UNC13C: variants seen among roughly 807,000 people sequenced by gnomAD.
UNC13C encodes unc-13 homolog C, also known as protein unc-13 homolog C.
Under a neutral mutation model 245.4 loss-of-function variants are expected in UNC13C, and 174 were observed. That is an observed-to-expected ratio of 0.71 (90% CI 0.63 to 0.80). The LOEUF (loss-of-function observed/expected upper bound fraction) is 0.80. UNC13C is among the 30% of genes least tolerant of loss of function. UNC13C has a pLI of 0.00. For missense variants in UNC13C, 2,829 were observed against 2,602.9 expected, an observed-to-expected ratio of 1.09 and a Z score of -1.89; for synonymous variants, 992 against 895.1, an observed-to-expected ratio of 1.11 and a Z score of -1.93.
intron 30 of UNC13C, among the ~76,000 whole-genome samples, chr15:54,617,426 A>G (rs1247819836): frequency 6.6e-6 from 1 of 151,956 alleles, no homozygotes; most frequent in Non-Finnish European, 1.5e-5. Flanking sequence ...TATATACTAT[A>G]TCTTATAAGT....
chr15:54,563,368 C>G (rs1897372800), intron 29 of UNC13C, among the ~76,000 whole-genome samples: 1 of 152,042 alleles, frequency 6.6e-6, no homozygotes, highest in African/African-American at 2.4e-5. Context: ...AAATGACCAA[C>G]TCCTCCATAG....
chr15:54,446,621 G>A (rs1013648769), intron 19 of UNC13C, among the ~76,000 whole-genome samples: 40 of 152,174 alleles, frequency 2.6e-4, no homozygotes, highest in African/African-American at 9.7e-4. Context: ...GAATGCTTGT[G>A]ATTTTTGCAC....
intron 10 of UNC13C, among the ~76,000 whole-genome samples, chr15:54,282,589 T>C (rs1380018253): frequency 6.6e-6 from 1 of 152,088 alleles, no homozygotes; most frequent in African/African-American, 2.4e-5. Flanking sequence ...TTGTTGTCCA[T>C]GGATGGTGGT....
At chr15:53,999,127 C>G (rs1894769475) in intron 1 of UNC13C, among the ~76,000 whole-genome samples, 2 of 151,940 alleles carry the variant, frequency 1.3e-5, no homozygotes, top group South Asian at 4.1e-4. Flanking sequence ...AGCAATTGGA[C>G]AGTGTTCTTT....
chr15:54,440,465 T>A (rs559965098), intron 19 of UNC13C, among the ~76,000 whole-genome samples: 5 of 151,436 alleles, frequency 3.3e-5, no homozygotes, highest in African/African-American at 1.2e-4. Context: ...GTTTCATTCA[T>A]GTGGCTCCAA....
chr15:54,185,345 C>A (rs2033941685), intron 4 of UNC13C, among the ~76,000 whole-genome samples: 3 of 151,826 alleles, frequency 2.0e-5, no homozygotes, highest in Admixed American at 2.0e-4. Flanking sequence ...AGTCCTTGCC[C>A]ATGCCTATGT....
intron 7 of UNC13C, among the ~76,000 whole-genome samples, chr15:54,238,067 C>T (rs569348334): frequency 2.5e-5 from 3 of 119,462 alleles, no homozygotes; most frequent in South Asian, 2.8e-4. Context: ...CTCCTCAGGA[C>T]TTTTATAGGT....
chr15:54,607,718 A>T (rs968787055), intron 30 of UNC13C, among the ~76,000 whole-genome samples: 9 of 152,134 alleles, frequency 5.9e-5, no homozygotes, highest in African/African-American at 2.2e-4. Flanking sequence ...AAGCAAGAGC[A>T]TCTTTCCATG....
At position 54,141,404 on chromosome 15, in the gene UNC13C, C is replaced by T. The variant is rs547719420; in HGVS notation, c.2984-1614C>T. 1.4e-4 allele frequency among the ~76,000 whole-genome samples: 21 copies of T among 152,124 alleles called. No homozygotes were observed. The East Asian group carries it at 2.1e-3, about 15-fold the overall frequency. Reference sequence around the variant, plus strand: ...GTGAAAATTATGCTTTGGACAGTTTCGTTTGCTTTTAATGGTGATGGAAAT... The same window carrying T: ...GTGAAAATTATGCTTTGGACAGTTTTGTTTGCTTTTAATGGTGATGGAAAT... On this transcript the variant is annotated intron_variant, in intron 2 of 32. Transcript: ENST00000260323.
intron 4 of UNC13C, among the ~76,000 whole-genome samples, chr15:54,204,092 C>G (rs1203952596): frequency 1.3e-5 from 2 of 151,454 alleles, no homozygotes; most frequent in South Asian, 2.1e-4. Flanking sequence ...GGGAGCTAAC[C>G]TATGAGGACA....
chr15:54,426,925 T>A (rs2040771388), intron 19 of UNC13C, among the ~76,000 whole-genome samples: 1 of 151,790 alleles, frequency 6.6e-6, no homozygotes, highest in Non-Finnish European at 1.5e-5. Context: ...TTGGTGATGA[T>A]GATCATCAGT....
intron 19 of UNC13C, among the ~76,000 whole-genome samples, chr15:54,435,886 AAAAAC>A (rs774292815): frequency 6.6e-5 from 10 of 151,596 alleles, no homozygotes; most frequent in Admixed American, 1.3e-4. Context: ...GTACAAGAAA[AAAAAC>A]AAAACAAAAC....
intron 18 of UNC13C, among the ~76,000 whole-genome samples, chr15:54,405,012 A>T (rs2040263796): frequency 1.3e-5 from 2 of 152,192 alleles, no homozygotes; most frequent in African/African-American, 4.8e-5. Flanking sequence ...TTAGAAATCA[A>T]TGGAATCTAA....
At chr15:54,158,886 C>G (rs2414265) in intron 4 of UNC13C, among the ~76,000 whole-genome samples, 97,102 of 151,968 alleles carry the variant, frequency 0.64, 32,710 homozygotes, top group Non-Finnish European at 0.75. Flanking sequence ...CTCATGACCT[C>G]AAGTAATCCT....
chr15:54,075,421 TTGCAGTGAGCC>T (rs1898547917), intron 2 of UNC13C, among the ~76,000 whole-genome samples: 2 of 74,372 alleles, frequency 2.7e-5, no homozygotes, highest in African/African-American at 1.4e-4. Flanking sequence ...AAGGCGGAGC[TTGCAGTGAGCC>T]GGAGCTTGCA....
In UNC13C at chr15:54,623,777, A is replaced by T. The variant is rs2414332; in HGVS notation, c.6200-18A>T. On this transcript the variant is annotated intron_variant, in intron 31 of 32. Coordinates refer to ENST00000260323, the MANE Select transcript of UNC13C (RefSeq NM_001080534.3). ...CCACACATCTGTTTGCTAAAATGTG[A>T]TATTTCCTTTTTTTTAGTGATTGCT... 0.64 allele frequency: 1,017,228 copies of T among 1,598,712 alleles called. 325,743 individuals carry two copies. Among genetic ancestry groups the T allele is most frequent in the East Asian group, 0.69 (30,890 of 44,524 alleles).
intron 7 of UNC13C, among the ~76,000 whole-genome samples, chr15:54,241,214 A>G (rs2035842802): frequency 6.6e-6 from 1 of 152,180 alleles, no homozygotes; most frequent in Non-Finnish European, 1.5e-5. Context: ...GTTGATGGGC[A>G]TGTTAAGGCT....
chr15:54,175,595 C>A (rs1438188208), intron 4 of UNC13C, among the ~76,000 whole-genome samples: 1 of 147,718 alleles, frequency 6.8e-6, no homozygotes, highest in South Asian at 2.1e-4. Context: ...TCACTGCAAG[C>A]TCCGCCTCCC....
chr15:54,479,924 A>G (rs781379751), intron 19 of UNC13C, among the ~76,000 whole-genome samples: 3 of 151,996 alleles, frequency 2.0e-5, no homozygotes, highest in Admixed American at 2.0e-4. Flanking sequence ...TTTGCTGGGT[A>G]TAGTATTTTT....
Sources: allele counts gnomAD v4.1 joint callset (sites outside exome capture counted in the v4.1 genomes callset), GRCh38; gene constraint gnomAD v4.1.1; transcripts MANE v1.5; gene names NCBI Gene and HGNC (gene_info 2026-07-23, HGNC 2026-07-21).